The following PRRC2A variants were observed in gnomAD, a reference collection of about 807,000 sequenced individuals.
The protein encoded by PRRC2A is protein PRRC2A.
A neutral mutation model predicts 224.6 loss-of-function variants in PRRC2A; 59 were observed. That is an observed-to-expected ratio of 0.26 (90% confidence interval 0.21 to 0.33). The LOEUF is 0.33. Ranked by LOEUF, PRRC2A falls within the 10% of genes least tolerant of loss-of-function variation. The pLI is 1.00. For missense variants in PRRC2A, 3,095 were observed against 2,880.7 expected (o/e 1.07, Z -1.70); for synonymous variants, 1,194 against 1,109.5 (o/e 1.08, Z -1.51).
rs1230577717 is a variant in PRRC2A at position 31,632,901 on chromosome 6, A to G, written c.4228A>G (p.Ser1410Gly). The G allele has an allele frequency of 3.7e-6, 6 of 1,612,782 alleles. No homozygotes were observed. Among genetic ancestry groups the G allele is most frequent in the Admixed American group, 3.3e-5 (2 of 60,014 alleles). Residue 1410 changes from serine (S) to glycine (G), a missense_variant, in exon 16 of 31, where the codon AGC (serine) becomes GGC (glycine). This residue lies in a region of PRRC2A where 2,001 missense variants were observed against 1,764.9 expected (regional missense o/e 1.13). Transcript: ENST00000376033. ...AGGGGGCAAGGCTGGCAGCAGTGGC[A>G]GCAGCAGTGGAGGAGGCGGTGGGGG... Reference protein sequence around the residue: ...GPGGKAGSSGSSSGGGGGGPG... With the variant: ...GPGGKAGSSGGSSGGGGGGPG...
chr6:31,632,398 G>A lies in PRRC2A; in HGVS notation c.3725G>A (p.Arg1242Lys). Residue 1242 changes from arginine to lysine, a missense_variant, in exon 16 of 31, where the codon AGG becomes AAG. Arg to Lys is a conservative substitution (Grantham distance 26). Coordinates refer to ENST00000376033, the MANE Select transcript of PRRC2A (RefSeq NM_004638.4). ...ATGGAAGATGGGGAGCGACCCCGAA[G>A]GAGGCGACATGGGAGGGCTCAGCAG... ...VGMEDGERPR[R>K]RRHGRAQQQD... 6.2e-7 allele frequency: 1 copy of A among 1,610,526 alleles called. No individual in the cohort carries two copies. The highest frequency in any genetic ancestry group is 8.5e-7 in the Non-Finnish European group (1 of 1,178,172).
Position 31,634,297 on chromosome 6 carries a change from C to G in PRRC2A, c.4781C>G (p.Pro1594Arg), listed in dbSNP as rs144034863. 1.5e-4 allele frequency: 240 copies of G among 1,612,326 alleles called. No homozygotes were observed. The African/African-American group carries it at 3.0e-3, about 20-fold the overall frequency. ...FLGSKPEGPGPQAESRDTGTE... is the reference protein window; with the variant it reads ...FLGSKPEGPGRQAESRDTGTE... The stretch of plus-strand genomic sequence containing the variant: ...GGCTCTAAGCCTGAGGGCCCAGGCC[C>G]TCAGGCAGAGTCCAGAGATACAGGC... Residue 1594 changes from proline (P) to arginine (R), a missense_variant, in exon 19 of 31, where the codon CCT becomes CGT. Transcript: ENST00000376033.
Position 31,633,377 on chromosome 6 carries a change from A to G in PRRC2A, c.4320-2A>G. On this transcript the variant is annotated splice_acceptor_variant, in intron 16 of 30. Transcript: ENST00000376033. LOFTEE classifies it high-confidence loss of function. ...CTGGAGCTAATGCTCTGTTTTCTCC[A>G]GTCGTCCTCCAGAGGAGCGTCCCCC... 6.2e-7 allele frequency: 1 copy of G among 1,611,456 alleles called. No homozygotes were observed. The highest frequency in any genetic ancestry group is 8.5e-7 in the Non-Finnish European group (1 of 1,178,966).
intron 14 of PRRC2A, among the ~76,000 whole-genome samples, chr6:31,630,244 G>A (rs1451345987): frequency 6.6e-6 from 1 of 152,222 alleles, no homozygotes; most frequent in African/African-American, 2.4e-5. Flanking sequence ...TTGAACCCAG[G>A]AGGTGGAGGT....
chr6:31,630,625 C>T lies in PRRC2A; in HGVS notation c.2289C>T (p.Gly763=). 6.2e-7 allele frequency: 1 copy of T among 1,614,070 alleles called. No homozygotes were observed. Among genetic ancestry groups the T allele is most frequent in the Non-Finnish European group, 8.5e-7 (1 of 1,179,998 alleles). ...CCCGAGAGCGTTCAGACAGTGGGGGCTCAAGCTCAGAGCCATTTGACCGTC... is the reference window on the plus strand; with the variant it reads ...CCCGAGAGCGTTCAGACAGTGGGGGTTCAAGCTCAGAGCCATTTGACCGTC... ...LVPRERSDSG[G]SSSEPFDRHA... The change falls in exon 15 of 31, where the codon GGC becomes GGT. Residue 763 remains glycine, a synonymous_variant. Transcript: ENST00000376033.
Position 31,625,926 on chromosome 6 carries a change from A to C in PRRC2A, c.839+55A>C, listed in dbSNP as rs1331189004. 1.3e-6 allele frequency: 2 copies of C among 1,581,206 alleles called. No individual in the cohort carries two copies. On this transcript the variant is annotated intron_variant, in intron 8 of 30. Coordinates refer to ENST00000376033, the MANE Select transcript of PRRC2A (RefSeq NM_004638.4). The surrounding 1 kb of genome is among the most constrained non-coding windows in gnomAD (Gnocchi z 4.1). ...GGGGGCAGGGGAAGCTTATTGGGGG[A>C]GGAGATGGTTTTCTAGCCAGGAGGC...
At chr6:31,634,133 C>G in intron 18 of PRRC2A, 103 bp from the exon 19 acceptor site, 1 of 1,563,666 alleles carries the variant, frequency 6.4e-7, no homozygotes. Context: ...ATGTGTCTCC[C>G]TTGTTGTCCC....
At chr6:31,628,749 T>A in intron 12 of PRRC2A, 1 of 224,738 alleles carries the variant, frequency 4.4e-6, no homozygotes, top group Non-Finnish European at 8.8e-6. Flanking sequence ...GCTGAGGTAG[T>A]AGAATCGCTT....
Position 31,632,037 on chromosome 6 carries a change from A to G in PRRC2A, c.3364A>G (p.Lys1122Glu), listed in dbSNP as rs1776660894. 3 of 1,593,112 alleles carry G rather than the reference A, an allele frequency of 1.9e-6. No homozygotes were observed. The highest frequency in any genetic ancestry group is 1.3e-5 in the African/African-American group (1 of 74,464). Residue 1122 changes from lysine (K) to glutamate (E), a missense_variant, in exon 16 of 31, where the codon AAG becomes GAG. Physicochemically the swap from Lys to Glu is moderately conservative, Grantham distance 56. Around this residue, in one of 8 missense-constraint regions of PRRC2A, gnomAD observed 2,001 missense variants for 1,764.9 expected, o/e 1.13. Coordinates refer to ENST00000376033, the MANE Select transcript of PRRC2A (RefSeq NM_004638.4). ...TGAGAGTGATCTGGCTCCTTCAGAC[A>G]AGGAGGCTCCCACACCCAAGGAGGG... ...THESDLAPSDKEAPTPKEGTL... is the reference protein window; with the variant it reads ...THESDLAPSDEEAPTPKEGTL...
Position 31,627,632 on chromosome 6 carries a change from C to A in PRRC2A, c.1291-133C>A. The stretch of plus-strand genomic sequence containing the variant: ...AAGACCAGGATAATGAGTTTGTCAC[C>A]ACCCAGAGAGATCAACCCCAAAGCC... On this transcript the variant is annotated intron_variant, in intron 11 of 30. Transcript: ENST00000376033. The surrounding 1 kb of genome is among the most constrained non-coding windows in gnomAD (Gnocchi z 5.6). 2 of 1,165,240 alleles carry A rather than the reference C, an allele frequency of 1.7e-6. No homozygotes were observed. Among genetic ancestry groups the A allele is most frequent in the Non-Finnish European group, 2.4e-6 (2 of 843,260 alleles). 72.2% of individuals were successfully genotyped at this position (1,165,240 alleles called of 1,614,324 possible). A position where few individuals can be genotyped will look rare whatever the true frequency, so the allele number is the denominator to read the frequency against.
Position 31,629,753 on chromosome 6 carries a change from C to T in PRRC2A, c.2162C>T (p.Pro721Leu). 6.2e-7 allele frequency: 1 copy of T among 1,612,752 alleles called. No individual in the cohort carries two copies. Among genetic ancestry groups the T allele is most frequent in the Non-Finnish European group, 8.5e-7 (1 of 1,179,322 alleles). The change falls in exon 14 of 31, where the codon CCC (proline) becomes CTC (leucine). Residue 721 changes from proline (P) to leucine (L), a missense_variant. Physicochemically the swap from Pro to Leu is moderately conservative, Grantham distance 98. Coordinates refer to ENST00000376033, the MANE Select transcript of PRRC2A (RefSeq NM_004638.4). ...CCCATGCCCCCAATGAACTTTGATC[C>T]CCGATGGATGATGATTCCTCCTTAT... ...PPPMPPMNFD[P>L]RWMMIPPYVD...
rs1351243038 is a variant in PRRC2A, at chr6:31,633,417, C to T, written c.4358C>T (p.Pro1453Leu). The change falls in exon 17 of 31, where the codon CCT (proline) becomes CTT (leucine). Residue 1453 changes from proline to leucine, a missense_variant. Coordinates refer to ENST00000376033, the MANE Select transcript of PRRC2A (RefSeq NM_004638.4). The part of the protein sequence containing the change: ...PEERPPGLPL[P>L]PPPPSSSAVF... The stretch of plus-strand genomic sequence containing the variant: ...GAGCGTCCCCCGGGGCTTCCCCTGC[C>T]TCCCCCACCTCCCAGCAGTTCTGCT... 3 of 1,613,050 alleles carry T rather than the reference C, an allele frequency of 1.9e-6. No individual in the cohort carries two copies. Among genetic ancestry groups the T allele is most frequent in the Non-Finnish European group, 2.5e-6 (3 of 1,180,002 alleles).
chr6:31,624,538 A>C lies in PRRC2A; in HGVS notation c.463+16A>C. ...CATGGAGATGGTGAGTGCAGCACTT[A>C]ATTGGGGAGCTGTGTCTGGGCACCA... is the stretch of plus-strand genomic sequence containing the variant. On this transcript the variant is annotated intron_variant, in intron 5 of 30. Coordinates refer to ENST00000376033, the MANE Select transcript of PRRC2A (RefSeq NM_004638.4). 6.2e-7 allele frequency: 1 copy of C among 1,602,372 alleles called. No individual in the cohort carries two copies. Among genetic ancestry groups the C allele is most frequent in the Non-Finnish European group, 8.6e-7 (1 of 1,169,426 alleles).
At chr6:31,622,638 T>G in intron 1 of PRRC2A, 52 bp from the exon 2 acceptor site, 2 of 618,410 alleles carry the variant, frequency 3.2e-6, no homozygotes, top group Non-Finnish European at 5.7e-6. Flanking sequence ...CATATCTGAG[T>G]CCCTAATGAT....
intron 1 of PRRC2A, 47 bp from the exon 2 acceptor site, chr6:31,622,643 A>G (rs1474499219): frequency 6.3e-6 from 4 of 636,278 alleles, no homozygotes; most frequent in Non-Finnish European, 1.1e-5. Flanking sequence ...CTGAGTCCCT[A>G]ATGATAATGC....
At chr6:31,633,689 GAGA>G in intron 17 of PRRC2A, 42 bp downstream of exon 17, 5 of 1,573,148 alleles carry the variant, frequency 3.2e-6, no homozygotes, top group Non-Finnish European at 4.3e-6. Flanking sequence ...TCCATCCCCA[GAGA>G]AGGTCAAGTG....
chr6:31,626,932 G>A (rs1446969313), intron 10 of PRRC2A, 50 bp from the exon 11 acceptor site: 2 of 1,612,902 alleles, frequency 1.2e-6, no homozygotes, highest in Non-Finnish European at 8.5e-7. Flanking sequence ...ACTCTTAGAG[G>A]AGTATATTAG....
rs758291070 is a variant in PRRC2A at position 31,625,855 on chromosome 6, A to G, written c.823A>G (p.Thr275Ala). 1 of 1,586,924 alleles carries G rather than the reference A, an allele frequency of 6.3e-7. No individual in the cohort carries two copies. The highest frequency in any genetic ancestry group is 8.6e-7 in the Non-Finnish European group (1 of 1,157,304). Residue 275 changes from threonine to alanine, a missense_variant, in exon 8 of 31, where the codon ACT becomes GCT. This residue lies in a region of PRRC2A where 287 missense variants were observed against 275.3 expected (regional missense o/e 1.04). Transcript: ENST00000376033. This position sits in a 1 kb window ranked among gnomAD's most constrained non-coding sequence, Gnocchi z 4.1. ...ACCCCAGGGGCCTTACCGATACCCC[A>G]CTCCTGATGGGCCCAGGTGAGCAAT... ...YGPQGPYRYP[T>A]PDGPSRFPRV...
rs768436378 is a variant in PRRC2A, at chr6:31,631,785, T to C, written c.3112T>C (p.Phe1038Leu). Residue 1038 changes from phenylalanine (F) to leucine (L), a missense_variant, in exon 16 of 31, where the codon TTT (phenylalanine) becomes CTT (leucine). This residue lies in a region of PRRC2A where 2,001 missense variants were observed against 1,764.9 expected (regional missense o/e 1.13). Transcript: ENST00000376033. This position sits in a 1 kb window ranked among gnomAD's most constrained non-coding sequence, Gnocchi z 4.5. ...RGEYFARGRG[F>L]RGTYGGRGRG... ...CGAGTATTTTGCCAGAGGGAGGGGT[T>C]TTCGGGGGACCTATGGGGGACGAGG... 1 of 1,558,088 alleles carries C rather than the reference T, an allele frequency of 6.4e-7. No individual in the cohort carries two copies. Among genetic ancestry groups the C allele is most frequent in the Non-Finnish European group, 8.7e-7 (1 of 1,150,710 alleles).
Sources: allele counts gnomAD v4.1 joint callset (sites outside exome capture counted in the v4.1 genomes callset), GRCh38; gene constraint gnomAD v4.1.1; regional missense constraint gnomAD v4.1.1; non-coding constraint Gnocchi (gnomAD v3.1); transcripts MANE v1.5; gene names NCBI Gene and HGNC (gene_info 2026-07-23, HGNC 2026-07-21).